Variants in MALRD1 observed in about 807,000 individuals in gnomAD.
The protein encoded by MALRD1 is MAM and LDL receptor class A domain containing 1.
In MALRD1, 247 loss-of-function variants were observed where a neutral mutation model predicts 242.1. The ratio of observed to expected loss-of-function variants is 1.02; its 90% CI spans 0.92 to 1.13. MALRD1 has a LOEUF of 1.13. Ranked by LOEUF, MALRD1 falls within the 50% of genes most tolerant of loss-of-function variation. The pLI is 0.00. For synonymous variants in MALRD1, 995 were observed against 866.6 expected (o/e 1.15, Z -2.60); for missense variants, 2,989 against 2,533.1 (o/e 1.18, Z -3.86).
intron 34 of MALRD1, among the ~76,000 whole-genome samples, chr10:19,600,682 A>G (rs1376386109): frequency 2.0e-5 from 3 of 152,254 alleles, no homozygotes; most frequent in South Asian, 2.1e-4. Context: ...ACGTTTGAAT[A>G]TATTTTCCAT....
chr10:19,127,126 A>G (rs747096670), intron 7 of MALRD1, among the ~76,000 whole-genome samples: 1 of 152,174 alleles, frequency 6.6e-6, no homozygotes, highest in South Asian at 2.1e-4. Flanking sequence ...CATGGTGTAT[A>G]TGTACCACAT....
At chr10:19,293,923 A>C (rs1441085080) in intron 21 of MALRD1, among the ~76,000 whole-genome samples, 1 of 152,190 alleles carries the variant, frequency 6.6e-6, no homozygotes, top group Non-Finnish European at 1.5e-5. Context: ...AAAAAACGAA[A>C]TGCAGTCGCT....
intron 36 of MALRD1, among the ~76,000 whole-genome samples, chr10:19,641,430 T>TA (rs774393190): frequency 4.6e-5 from 7 of 152,128 alleles, no homozygotes; most frequent in Non-Finnish European, 8.8e-5. Flanking sequence ...TACTTTATTT[T>TA]AAAAATACGG....
intron 14 of MALRD1, among the ~76,000 whole-genome samples, chr10:19,189,874 C>T (rs1835898896): frequency 6.6e-6 from 1 of 152,062 alleles, no homozygotes; most frequent in Non-Finnish European, 1.5e-5. Context: ...TGGTGAAAGA[C>T]TAAAAGCTTT....
chr10:19,176,070 A>T (rs1835218477), intron 14 of MALRD1, among the ~76,000 whole-genome samples: 1 of 152,112 alleles, frequency 6.6e-6, no homozygotes, highest in Admixed American at 6.5e-5. Context: ...CTCAGATCTC[A>T]ATGAATCTGA....
intron 26 of MALRD1, among the ~76,000 whole-genome samples, chr10:19,358,952 A>C (rs1938672542): frequency 6.6e-6 from 1 of 152,202 alleles, no homozygotes; most frequent in Non-Finnish European, 1.5e-5. Flanking sequence ...TAAAATTTCT[A>C]ATTGCTAAAT....
chr10:19,487,046 T>C (rs1415510417), intron 29 of MALRD1, among the ~76,000 whole-genome samples: 1 of 152,124 alleles, frequency 6.6e-6, no homozygotes, highest in African/African-American at 2.4e-5. Flanking sequence ...ACATCTCTGT[T>C]TGTCAGTCTT....
chr10:19,273,003 T>A (rs1840331660), intron 19 of MALRD1, among the ~76,000 whole-genome samples: 2 of 152,194 alleles, frequency 1.3e-5, no homozygotes, highest in Admixed American at 1.3e-4. Flanking sequence ...TGTGTGCATG[T>A]ATCTTTATAG....
chr10:19,107,234 C>A (rs549161801), intron 5 of MALRD1, among the ~76,000 whole-genome samples: 4 of 151,916 alleles, frequency 2.6e-5, no homozygotes, highest in Admixed American at 6.6e-5. Flanking sequence ...GAGTTAAAAT[C>A]CCTTGCTATT....
chr10:19,157,245 A>G (rs1200853044), intron 12 of MALRD1, among the ~76,000 whole-genome samples: 1 of 149,574 alleles, frequency 6.7e-6, no homozygotes, highest in Non-Finnish European at 1.5e-5. Flanking sequence ...TTGTGGCAAT[A>G]TGTGATATTT....
chr10:19,606,168 G>A (rs1174907832), intron 34 of MALRD1, among the ~76,000 whole-genome samples: 2 of 151,832 alleles, frequency 1.3e-5, no homozygotes, highest in African/African-American at 4.8e-5. Flanking sequence ...AATTATACTT[G>A]AAGAAAAAAA....
rs1439615910 is a variant in MALRD1 at position 19,068,342 on chromosome 10, G to C, written c.340+1483G>C. Among the ~76,000 whole-genome samples, 3 of 151,532 alleles carry C rather than the reference G, an allele frequency of 2.0e-5. No homozygotes were observed. In the East Asian group the frequency reaches 5.8e-4, roughly 29 times the overall value. On this transcript the variant is annotated intron_variant, in intron 2 of 39. Transcript: ENST00000454679. The stretch of plus-strand genomic sequence containing the variant: ...TTTTATGCATATTTTTAATTGCCTA[G>C]TCAAGAGGTAAAATGGGGCAATTCA...
chr10:19,339,833 G>T (rs575694176), intron 24 of MALRD1, among the ~76,000 whole-genome samples: 10 of 152,052 alleles, frequency 6.6e-5, no homozygotes, highest in African/African-American at 2.4e-4. Flanking sequence ...TTTGAGACTG[G>T]GTAATTTAAA....
At chr10:19,654,229 A>G (rs937709856) in intron 36 of MALRD1, among the ~76,000 whole-genome samples, 1 of 121,600 alleles carries the variant, frequency 8.2e-6, no homozygotes, top group Admixed American at 8.1e-5. Context: ...AACACATTTG[A>G]TGGATAAAAG....
At chr10:19,253,378 G>C (rs1470941847) in intron 18 of MALRD1, among the ~76,000 whole-genome samples, 1 of 151,952 alleles carries the variant, frequency 6.6e-6, no homozygotes, top group Non-Finnish European at 1.5e-5. Context: ...AATAAGTATA[G>C]AATAAATGCT....
intron 14 of MALRD1, among the ~76,000 whole-genome samples, chr10:19,191,661 T>G (rs1835980788): frequency 6.6e-6 from 1 of 152,106 alleles, no homozygotes; most frequent in Admixed American, 6.6e-5. Context: ...TATTTAGTCA[T>G]AACAAGGAAA....
intron 28 of MALRD1, among the ~76,000 whole-genome samples, chr10:19,416,381 A>G (rs142443168): frequency 1.7e-3 from 254 of 152,334 alleles, no homozygotes; most frequent in African/African-American, 5.2e-3. Context: ...CACAGGCCAG[A>G]ATAAATGAAT....
At chr10:19,730,920 CA>C in intron 39 of MALRD1, 139 bp downstream of exon 39, 3 of 797,160 alleles carry the variant, frequency 3.8e-6, no homozygotes, top group Middle Eastern at 3.7e-4. Context: ...GGAGTTATTT[CA>C]ATTGGGGATA....
At chr10:19,333,572 T>C (rs528836789) in intron 24 of MALRD1, among the ~76,000 whole-genome samples, 2 of 152,290 alleles carry the variant, frequency 1.3e-5, no homozygotes, top group African/African-American at 2.4e-5. Context: ...ATCGATTCCA[T>C]GTCTTTGCTA....
Sources: allele counts gnomAD v4.1 joint callset (sites outside exome capture counted in the v4.1 genomes callset), GRCh38; gene constraint gnomAD v4.1.1; transcripts MANE v1.5; gene names NCBI Gene and HGNC (gene_info 2026-07-23, HGNC 2026-07-21).